The following SEMA3A variants were observed in gnomAD, a reference collection of about 807,000 sequenced individuals.
SEMA3A encodes semaphorin-3A.
A neutral mutation model predicts 97.9 loss-of-function variants in SEMA3A; 29 were observed. The observed-to-expected ratio is 0.30, with a 90% CI of 0.22 to 0.40. SEMA3A has a LOEUF of 0.40. Among genes scored for constraint, SEMA3A ranks in the 10% least tolerant of loss-of-function variants. The pLI, the probability that SEMA3A is intolerant of heterozygous loss-of-function variation, is 1.00. For missense variants in SEMA3A, 763 were observed against 951.3 expected, an observed-to-expected ratio of 0.80 and a Z score of 2.60; for synonymous variants, 321 against 323.7, an observed-to-expected ratio of 0.99 and a Z score of 0.09.
At chr7:84,122,108 C>T (rs185498175) in intron 3 of SEMA3A, among the ~76,000 whole-genome samples, 3,186 of 151,796 alleles carry the variant, frequency 0.021, 106 homozygotes, top group African/African-American at 0.073. Context: ...CTGACTTCCA[C>T]AATGGTTGAA....
intron 4 of SEMA3A, among the ~76,000 whole-genome samples, chr7:84,063,128 C>G (rs1298144065): frequency 6.6e-6 from 1 of 151,994 alleles, no homozygotes; most frequent in African/African-American, 2.4e-5. Context: ...CCTAAGCAAC[C>G]TAACTGTGAG....
intron 9 of SEMA3A, 137 bp downstream of exon 9, chr7:84,010,885 A>T (rs1790851088): frequency 1.7e-6 from 1 of 574,352 alleles, no homozygotes; most frequent in Admixed American, 3.1e-5. Context: ...AACTTCTTTC[A>T]GTCACCCAAG....
chr7:84,371,664 T>C (rs1802981571), intron 2 of SEMA3A, among the ~76,000 whole-genome samples: 1 of 152,000 alleles, frequency 6.6e-6, no homozygotes, highest in African/African-American at 2.4e-5. Context: ...AAACACCTGA[T>C]TGGATTTTTC....
chr7:84,332,584 A>T (rs1801933386), intron 2 of SEMA3A, among the ~76,000 whole-genome samples: 1 of 152,026 alleles, frequency 6.6e-6, no homozygotes, highest in Admixed American at 6.6e-5. Flanking sequence ...TTCAGTGGCA[A>T]TTTAGTGTGG....
intron 3 of SEMA3A, among the ~76,000 whole-genome samples, chr7:84,238,609 G>A (rs1226833386): frequency 6.6e-6 from 1 of 152,026 alleles, no homozygotes; most frequent in Non-Finnish European, 1.5e-5. Flanking sequence ...TTCTGCAATA[G>A]TTCTGTTTTC....
At chr7:83,967,320 G>A (rs1788736496) in intron 15 of SEMA3A, among the ~76,000 whole-genome samples, 1 of 152,104 alleles carries the variant, frequency 6.6e-6, no homozygotes, top group African/African-American at 2.4e-5. Flanking sequence ...GGAAACATTA[G>A]AAATCCATTA....
chr7:83,993,666 G>T, intron 12 of SEMA3A, among the ~76,000 whole-genome samples: 2 of 120,138 alleles, frequency 1.7e-5, no homozygotes, highest in African/African-American at 3.6e-5. Flanking sequence ...TGGCTTGTAG[G>T]GTTTCTGCTG....
intron 4 of SEMA3A, among the ~76,000 whole-genome samples, chr7:84,092,961 C>T (rs1794644113): frequency 6.6e-6 from 1 of 151,780 alleles, no homozygotes; most frequent in African/African-American, 2.4e-5. Flanking sequence ...AAAAAAAAAT[C>T]AAATGTGTTA....
intron 5 of SEMA3A, among the ~76,000 whole-genome samples, chr7:84,057,698 G>A (rs1793046604): frequency 6.6e-6 from 1 of 151,916 alleles, no homozygotes. Context: ...CCGGGAGACA[G>A]AGGTTGCAGT....
chr7:84,002,183 C>T (rs1790483904), intron 11 of SEMA3A, 137 bp from the exon 12 acceptor site: 1 of 568,610 alleles, frequency 1.8e-6, no homozygotes, highest in East Asian at 3.0e-5. Context: ...TTGGTCAAAA[C>T]ATGAGTAAAA....
intron 3 of SEMA3A, among the ~76,000 whole-genome samples, chr7:84,111,160 T>C (rs868220196): frequency 3.9e-5 from 6 of 152,224 alleles, no homozygotes; most frequent in African/African-American, 4.8e-5. Flanking sequence ...TTAAAGGCTA[T>C]AGACTTTCTT....
intron 4 of SEMA3A, among the ~76,000 whole-genome samples, chr7:84,064,188 G>C (rs1207786339): frequency 6.6e-6 from 1 of 151,938 alleles, no homozygotes; most frequent in East Asian, 1.9e-4. Context: ...AAGCGAAGGA[G>C]AAATAAAATA....
intron 1 of SEMA3A, among the ~76,000 whole-genome samples, chr7:84,160,232 T>C (rs1002867071): frequency 3.6e-4 from 2 of 5,632 alleles, no homozygotes; most frequent in African/African-American, 2.9e-3. Context: ...TGTCTATCTA[T>C]CTATCTATCT....
At chr7:84,132,674 T>TG (rs1562802124) in intron 2 of SEMA3A, among the ~76,000 whole-genome samples, 5 of 122,112 alleles carry the variant, frequency 4.1e-5, no homozygotes, top group Admixed American at 8.7e-5. Flanking sequence ...TTTTTTTTTT[T>TG]TTTTTTTTTT....
chr7:84,358,577 T>G (rs1033655058), intron 2 of SEMA3A, among the ~76,000 whole-genome samples: 1 of 152,134 alleles, frequency 6.6e-6, no homozygotes. Flanking sequence ...GCATGATGCC[T>G]CCAGCTTTGT....
At chr7:83,999,186 T>C (rs1197598637) in intron 12 of SEMA3A, among the ~76,000 whole-genome samples, 5 of 152,188 alleles carry the variant, frequency 3.3e-5, no homozygotes, top group African/African-American at 1.2e-4. Context: ...CATAATGTTG[T>C]TATGCAGCGC....
At chr7:84,375,847 G>C (rs867767343) in intron 1 of SEMA3A, among the ~76,000 whole-genome samples, 36 of 152,004 alleles carry the variant, frequency 2.4e-4, no homozygotes, top group African/African-American at 8.7e-4. Flanking sequence ...TCCTTAATCT[G>C]CTCTACACTT....
intron 3 of SEMA3A, among the ~76,000 whole-genome samples, chr7:84,293,221 G>T (rs1800792452): frequency 6.6e-6 from 1 of 151,986 alleles, no homozygotes; most frequent in Admixed American, 6.6e-5. Flanking sequence ...TGACGCATCT[G>T]CCTAGTTGTT....
At chr7:84,347,425 T>TG (rs1442167209) in intron 2 of SEMA3A, among the ~76,000 whole-genome samples, 1 of 151,682 alleles carries the variant, frequency 6.6e-6, no homozygotes, top group East Asian at 1.9e-4. Context: ...TTTTTTTTTT[T>TG]TGTGACGAGA....
Sources: gnomAD v4.1 joint callset for allele counts (sites outside exome capture counted in the v4.1 genomes callset) on GRCh38, gnomAD v4.1.1 for gene constraint, MANE v1.5 for transcripts, NCBI Gene and HGNC (gene_info 2026-07-23, HGNC 2026-07-21) for gene names.